The following TRAPPC13 variants were observed in gnomAD, a reference collection of about 807,000 sequenced individuals.
TRAPPC13 encodes the protein REV7-interacting novel NHEJ regulator 1.
TRAPPC13 carries 39 observed loss-of-function variants against 54.0 expected under a neutral mutation model. That is an observed-to-expected ratio of 0.72 (90% CI 0.56 to 0.94). TRAPPC13 has a LOEUF of 0.94. Among genes scored for constraint, TRAPPC13 ranks in the 40% least tolerant of loss-of-function variants. The pLI is 0.00. For synonymous variants in TRAPPC13, 148 were observed against 167.7 expected, an observed-to-expected ratio of 0.88 and a Z score of 0.91; for missense variants, 386 against 488.1, an observed-to-expected ratio of 0.79 and a Z score of 1.97.
intron 4 of TRAPPC13, 27 bp downstream of exon 4, chr5:65,637,807 A>G: frequency 7.1e-7 from 1 of 1,410,742 alleles, no homozygotes; most frequent in Non-Finnish European, 9.8e-7. Flanking sequence ...CTTGGGATGT[A>G]TTTTAGTCTT....
chr5:65,635,378 C>A lies in TRAPPC13; in HGVS notation c.115+9C>A. ...AGAGAAAGACTTACCTGGTATGGCA[C>A]ATGCTTTCCTCTATTTGCACCTAGG... On this transcript the variant is annotated intron_variant, in intron 2 of 12. Coordinates refer to ENST00000399438, the MANE Select transcript of TRAPPC13 (RefSeq NM_024941.4). The A allele has an allele frequency of 6.2e-7, 1 of 1,610,224 alleles. No homozygotes were observed. Among genetic ancestry groups the A allele is most frequent in the Non-Finnish European group, 8.5e-7 (1 of 1,176,968 alleles).
intron 6 of TRAPPC13, among the ~76,000 whole-genome samples, chr5:65,651,652 G>GGT (rs1554129739): frequency 6.0e-5 from 9 of 149,186 alleles, no homozygotes; most frequent in African/African-American, 1.2e-4. Context: ...TATGTGGGGG[G>GGT]GGTGGTGAGG....
intron 1 of TRAPPC13, among the ~76,000 whole-genome samples, chr5:65,628,877 G>T (rs1389709761): frequency 6.6e-6 from 1 of 151,362 alleles, no homozygotes; most frequent in African/African-American, 2.4e-5. Context: ...AGGCTGAGTG[G>T]CATGATCTTG....
intron 9 of TRAPPC13, 48 bp from the exon 10 acceptor site, chr5:65,660,651 T>TA (rs770185951): frequency 1.4e-6 from 2 of 1,468,064 alleles, no homozygotes; most frequent in Non-Finnish European, 1.8e-6. Context: ...GTTTTTCTTT[T>TA]AAAAGATGCT....
At chr5:65,629,066 T>C (rs1478011084) in intron 1 of TRAPPC13, among the ~76,000 whole-genome samples, 1 of 152,196 alleles carries the variant, frequency 6.6e-6, no homozygotes, top group African/African-American at 2.4e-5. Context: ...CTCAATTTAG[T>C]TGCCTCAAAT....
intron 9 of TRAPPC13, 24 bp from the exon 10 acceptor site, chr5:65,660,675 C>T (rs376122300): frequency 4.7e-4 from 715 of 1,533,976 alleles, no homozygotes; most frequent in Non-Finnish European, 6.0e-4. Flanking sequence ...GAATTTTCTC[C>T]GTCTCTGTCT....
At chr5:65,650,641 T>G (rs1262016419) in intron 5 of TRAPPC13, among the ~76,000 whole-genome samples, 169 bp from the exon 6 acceptor site, 1 of 152,220 alleles carries the variant, frequency 6.6e-6, no homozygotes, top group Admixed American at 6.5e-5. Flanking sequence ...GCTTTGTTGT[T>G]CATGTAATTA....
At chr5:65,638,732 C>T (rs1256107751) in intron 4 of TRAPPC13, among the ~76,000 whole-genome samples, 1 of 152,142 alleles carries the variant, frequency 6.6e-6, no homozygotes, top group Non-Finnish European at 1.5e-5. Flanking sequence ...TCATGTCTCA[C>T]GTGGATGGCA....
At chr5:65,647,028 T>C (rs1055547147) in intron 4 of TRAPPC13, 27 bp from the exon 5 acceptor site, 12 of 1,476,444 alleles carry the variant, frequency 8.1e-6, no homozygotes, top group Middle Eastern at 1.8e-4. Flanking sequence ...ATTTGGACTT[T>C]TTTTTTTTTT....
At chr5:65,649,909 T>G (rs1202625814) in intron 5 of TRAPPC13, among the ~76,000 whole-genome samples, 2 of 149,550 alleles carry the variant, frequency 1.3e-5, no homozygotes, top group Non-Finnish European at 3.0e-5. Context: ...CAGACTGGAG[T>G]GCAGTGGCGC....
At chr5:65,646,975 C>G (rs1756234769) in intron 4 of TRAPPC13, 80 bp from the exon 5 acceptor site, 1 of 1,313,084 alleles carries the variant, frequency 7.6e-7, no homozygotes, top group African/African-American at 1.5e-5. Flanking sequence ...TTCCCCTATT[C>G]TTTCCACTCA....
chr5:65,651,235 G>A (rs1756418694), intron 6 of TRAPPC13, among the ~76,000 whole-genome samples: 1 of 152,062 alleles, frequency 6.6e-6, no homozygotes, highest in African/African-American at 2.4e-5. Flanking sequence ...CAGACAACAT[G>A]ACCTAGGACT....
At chr5:65,636,871 G>C (rs980659399) in intron 3 of TRAPPC13, among the ~76,000 whole-genome samples, 1 of 152,204 alleles carries the variant, frequency 6.6e-6, no homozygotes, top group South Asian at 2.1e-4. Context: ...TTTACAGAAT[G>C]TGGTCATTGA....
At chr5:65,651,603 T>C (rs1350059328) in intron 6 of TRAPPC13, among the ~76,000 whole-genome samples, 4 of 147,952 alleles carry the variant, frequency 2.7e-5, no homozygotes, top group Non-Finnish European at 6.0e-5. Flanking sequence ...GTTTTCAGCT[T>C]CCATCAAAAA....
chr5:65,634,961 T>C, intron 1 of TRAPPC13: 1 of 906,068 alleles, frequency 1.1e-6, no homozygotes, highest in Non-Finnish European at 1.3e-6. Context: ...TTGTTTATGG[T>C]GAAATCACTT....
Position 65,651,842 on chromosome 5 carries a change from G to GTTTTTTT in TRAPPC13, c.502-627_502-621dup, listed in dbSNP as rs762929434. Among the ~76,000 whole-genome samples, 106 of 41,162 alleles carry GTTTTTTT rather than the reference G, an allele frequency of 2.6e-3. 28 individuals carry two copies. Among genetic ancestry groups the GTTTTTTT allele is most frequent in the East Asian group, 5.7e-3 (6 of 1,054 alleles). The allele number at this position is 41,162 out of a possible 152,430, so 27.0% of individuals were successfully genotyped here. ...TTGAAAGAAAATAAAACGTGATTCAGTTTTTTTTTTTTTTTTTTTTTTTTT... is the reference window on the plus strand; with the variant it reads ...TTGAAAGAAAATAAAACGTGATTCAGTTTTTTTTTTTTTTTTTTTTTTTTTTTTTTTT... On this transcript the variant is annotated intron_variant, in intron 6 of 12. Transcript: ENST00000399438.
Position 65,652,017 on chromosome 5 carries a change from C to T in TRAPPC13, c.502-484C>T, listed in dbSNP as rs562330566. Among the ~76,000 whole-genome samples the T allele has an allele frequency of 4.6e-4, 70 of 151,908 alleles. 2 individuals carry two copies. Among genetic ancestry groups the T allele is most frequent in the Admixed American group, 4.6e-3 (70 of 15,260 alleles). ...TAGCTGGGATTACAGGCACCCGCCA[C>T]CACGCCCAGTTAATTTTTGTATTTT... On this transcript the variant is annotated intron_variant, in intron 6 of 12. Transcript: ENST00000399438.
In TRAPPC13 at chr5:65,647,106, G is replaced by A. The variant is rs1756244560; in HGVS notation, c.352G>A (p.Ala118Thr). 1 of 1,562,448 alleles carries A rather than the reference G, an allele frequency of 6.4e-7. No homozygotes were observed. Residue 118 changes from alanine (A) to threonine (T), a missense_variant, in exon 5 of 13, where the codon GCA becomes ACA. Physicochemically the swap from Ala to Thr is moderately conservative, Grantham distance 58. Transcript: ENST00000399438. ...QRLNLSASNAAVAELKPDCCI... is the reference protein window; with the variant it reads ...QRLNLSASNATVAELKPDCCI... Reference sequence around the variant, plus strand: ...TTTAAATCTTTCAGCCTCCAATGCTGCAGTGGCTGAACTTAAACCGGATTG... The same window carrying A: ...TTTAAATCTTTCAGCCTCCAATGCTACAGTGGCTGAACTTAAACCGGATTG...
At chr5:65,627,081 G>C (rs1445774715) in intron 1 of TRAPPC13, among the ~76,000 whole-genome samples, 1 of 127,270 alleles carries the variant, frequency 7.9e-6, no homozygotes, top group African/African-American at 3.0e-5. Context: ...GCAGTGAGCT[G>C]AGATTGCGCC....
Sources: gnomAD v4.1 joint callset for allele counts (sites outside exome capture counted in the v4.1 genomes callset) on GRCh38, gnomAD v4.1.1 for gene constraint, MANE v1.5 for transcripts, NCBI Gene and HGNC (gene_info 2026-07-23, HGNC 2026-07-21) for gene names.